PRPF3: variants seen among roughly 807,000 people sequenced by gnomAD.
The protein encoded by PRPF3 is U4/U6 small nuclear ribonucleoprotein Prp3.
In PRPF3, 3 loss-of-function variants were observed where a neutral mutation model predicts 89.2. The observed-to-expected ratio is 0.03, with a 90% confidence interval of 0.02 to 0.09. The LOEUF is 0.09. PRPF3 is among the 10% of genes least tolerant of loss of function. PRPF3 has a pLI of 1.00. For synonymous variants in PRPF3, 270 were observed against 289.1 expected (o/e 0.93, Z 0.67); for missense variants, 463 against 828.8 (o/e 0.56, Z 5.42).
chr1:150,338,495 GTTA>G (rs1158972731), intron 8 of PRPF3, among the ~76,000 whole-genome samples, 169 bp downstream of exon 8: 1 of 35,760 alleles, frequency 2.8e-5, no homozygotes, highest in Non-Finnish European at 5.8e-5. Context: ...ACAAGGTCCT[GTTA>G]TTTTTTTTTT....
chr1:150,323,173 CTTTTTTT>C lies in PRPF3; in HGVS notation c.-49+1599_-49+1605del, dbSNP rs71083901. On this transcript the variant is annotated intron_variant, in intron 1 of 15. Coordinates refer to ENST00000324862, the MANE Select transcript of PRPF3 (RefSeq NM_004698.4). ...TACAGGCGTGAGCCACCGCACCTGG[CTTTTTTT>C]TTTTTTTTTTTTTTTTTGGAGACAC... 1.6e-3 allele frequency among the ~76,000 whole-genome samples: 79 copies of C among 48,290 alleles called. 1 individual carries two copies. Among genetic ancestry groups the C allele is most frequent in the Admixed American group, 3.5e-3 (9 of 2,554 alleles). The allele number at this position is 48,290 out of a possible 152,430, so 31.7% of individuals were successfully genotyped here. A position where few individuals can be genotyped will look rare whatever the true frequency, so the allele number is the denominator to read the frequency against.
intron 4 of PRPF3, 25 bp from the exon 5 acceptor site, chr1:150,332,659 T>G (rs1205637204): frequency 6.2e-7 from 1 of 1,611,892 alleles, no homozygotes; most frequent in African/African-American, 1.3e-5. Flanking sequence ...ATTAACAGTT[T>G]TTCAATTTTT....
intron 2 of PRPF3, 63 bp from the exon 3 acceptor site, chr1:150,325,688 G>A (rs1183231883): frequency 6.3e-7 from 1 of 1,583,034 alleles, no homozygotes; most frequent in Non-Finnish European, 8.6e-7. Flanking sequence ...ACCTGTTATA[G>A]GCCTAGTATT....
intron 1 of PRPF3, among the ~76,000 whole-genome samples, chr1:150,323,840 G>T (rs797039721): frequency 6.8e-6 from 1 of 146,726 alleles, no homozygotes; most frequent in African/African-American, 2.5e-5. Context: ...GCAGTGGCGC[G>T]ATCTTGGCTC....
Position 150,338,240 on chromosome 1 carries a change from C to G in PRPF3, c.1116C>G (p.Leu372=), listed in dbSNP as rs1553868794. The G allele has an allele frequency of 3.1e-6, 5 of 1,613,898 alleles. No individual in the cohort carries two copies. In the Admixed American group the frequency reaches 5.0e-5, roughly 16 times the overall value. The change falls in exon 8 of 16, where the codon CTC becomes CTG. Residue 372 remains leucine (L), a synonymous_variant. Transcript: ENST00000324862. ...TCCATACTTCGACTAGGCTTGCCCT[C>G]ATTGCTCCTAAGAAGGAGCTAAAGG... ...TGIHTSTRLA[L]IAPKKELKEG...
Position 150,334,922 on chromosome 1 carries a change from G to A in PRPF3, c.729-13G>A, listed in dbSNP as rs781963249. The A allele has an allele frequency of 1.2e-6, 2 of 1,613,590 alleles. No homozygotes were observed. The highest frequency in any genetic ancestry group is 1.3e-5 in the African/African-American group (1 of 74,814). The stretch of plus-strand genomic sequence containing the variant: ...TCCATACAGGATTTATTTCTTTGCG[G>A]GCTATTTTTCAGGAAGGTGGAGTTA... On this transcript the variant is annotated splice_polypyrimidine_tract_variant and intron_variant, in intron 6 of 15. Transcript: ENST00000324862.
At position 150,325,712 on chromosome 1, in the gene PRPF3, T is replaced by C. The variant is rs781937865; in HGVS notation, c.146-39T>C. On this transcript the variant is annotated intron_variant, in intron 2 of 15. Coordinates refer to ENST00000324862, the MANE Select transcript of PRPF3 (RefSeq NM_004698.4). ...AGGCCTAGTATTAGACTGTGTACTCTTACCTTTCCAACCCTACCACCGCCT... is the reference window on the plus strand; with the variant it reads ...AGGCCTAGTATTAGACTGTGTACTCCTACCTTTCCAACCCTACCACCGCCT... 1.9e-6 allele frequency: 3 copies of C among 1,604,632 alleles called. No individual in the cohort carries two copies. In the South Asian group the frequency reaches 3.3e-5, roughly 18 times the overall value.
intron 8 of PRPF3, 149 bp downstream of exon 8, chr1:150,338,475 G>T: frequency 1.3e-5 from 9 of 669,968 alleles, no homozygotes; most frequent in East Asian, 3.2e-5. Flanking sequence ...AGAGAGATAA[G>T]TAACTGTACA....
At chr1:150,323,840 G>A (rs797039721) in intron 1 of PRPF3, among the ~76,000 whole-genome samples, 6 of 146,724 alleles carry the variant, frequency 4.1e-5, no homozygotes, top group South Asian at 2.2e-4. Context: ...GCAGTGGCGC[G>A]ATCTTGGCTC....
chr1:150,322,315 A>G (rs1655137778), intron 1 of PRPF3, among the ~76,000 whole-genome samples: 1 of 152,192 alleles, frequency 6.6e-6, no homozygotes, highest in Admixed American at 6.6e-5. Flanking sequence ...TAGTTACTCA[A>G]TAAATATTTA....
At chr1:150,352,482 G>A (rs1203887266) in intron 15 of PRPF3, among the ~76,000 whole-genome samples, 2 of 152,140 alleles carry the variant, frequency 1.3e-5, no homozygotes, top group Admixed American at 6.6e-5. Flanking sequence ...TGGCTAACAC[G>A]GTGAAACCCC....
At chr1:150,323,173 CTTTTTTTTTTTTT>C (rs71083901) in intron 1 of PRPF3, among the ~76,000 whole-genome samples, 1 of 48,270 alleles carries the variant, frequency 2.1e-5, no homozygotes, top group East Asian at 7.7e-4. Flanking sequence ...CCGCACCTGG[CTTTTTTTTTTTTT>C]TTTTTTTTTT....
At chr1:150,349,090 G>C in intron 14 of PRPF3, 67 bp from the exon 15 acceptor site, 22 of 1,263,828 alleles carry the variant, frequency 1.7e-5, no homozygotes, top group Non-Finnish European at 2.6e-5. Flanking sequence ...AGTTTGGGTA[G>C]ACTTGAATAT....
intron 6 of PRPF3, among the ~76,000 whole-genome samples, chr1:150,334,639 A>G (rs1656780928): frequency 6.6e-6 from 1 of 151,994 alleles, no homozygotes; most frequent in South Asian, 2.1e-4. Context: ...TAACTCTTAT[A>G]GAGAAGGCAC....
chr1:150,344,239 G>A lies in PRPF3; in HGVS notation c.1504G>A (p.Ala502Thr). 6.2e-7 allele frequency: 1 copy of A among 1,614,242 alleles called. No individual in the cohort carries two copies. Among genetic ancestry groups the A allele is most frequent in the Non-Finnish European group, 8.5e-7 (1 of 1,180,044 alleles). Reference protein sequence around the residue: ...DPTKVEAHVRAQMAKRQKAHE... With the variant: ...DPTKVEAHVRTQMAKRQKAHE... ...CACGAAGGTAGAAGCCCACGTCAGA[G>A]CTCAGATGGCAAAAAGACAGAAGTA... Residue 502 changes from alanine (A) to threonine (T), a missense_variant, in exon 11 of 16, where the codon GCT becomes ACT. Physicochemically the swap from Ala to Thr is moderately conservative, Grantham distance 58 (BLOSUM62 0). Coordinates refer to ENST00000324862, the MANE Select transcript of PRPF3 (RefSeq NM_004698.4).
rs1048292476 is a variant in PRPF3 at position 150,344,482 on chromosome 1, A to G, written c.1575A>G (p.Arg525=). 3 of 1,614,190 alleles carry G rather than the reference A, an allele frequency of 1.9e-6. No homozygotes were observed. Among genetic ancestry groups the G allele is most frequent in the Non-Finnish European group, 2.5e-6 (3 of 1,180,036 alleles). ...NAARKLTAEQ[R]KVKKIKKLKE... ...CCCGAAAACTCACAGCAGAACAGAG[A>G]AAGGTCAAGAAAATTAAAAAGCTTA... Residue 525 remains arginine (R), a synonymous_variant, in exon 12 of 16, where the codon AGA becomes AGG. Transcript: ENST00000324862.
chr1:150,323,305 T>TA (rs1277832945), intron 1 of PRPF3, among the ~76,000 whole-genome samples: 8 of 148,690 alleles, frequency 5.4e-5, no homozygotes, highest in African/African-American at 2.0e-4. Flanking sequence ...GCCTCATAAG[T>TA]AGCTGGGATT....
chr1:150,323,252 C>G (rs1332537307), intron 1 of PRPF3, among the ~76,000 whole-genome samples: 1 of 129,746 alleles, frequency 7.7e-6, no homozygotes, highest in African/African-American at 2.9e-5. Flanking sequence ...TTTTGGCTCA[C>G]CGCAACCTCC....
rs191704589 is a variant in PRPF3 at position 150,326,546 on chromosome 1, A to C, written c.276+665A>C. Among the ~76,000 whole-genome samples, 366 of 151,962 alleles carry C rather than the reference A, an allele frequency of 2.4e-3. 1 individual carries two copies. Among genetic ancestry groups the C allele is most frequent in the Non-Finnish European group, 2.8e-3 (190 of 67,962 alleles). On this transcript the variant is annotated intron_variant, in intron 3 of 15. Coordinates refer to ENST00000324862, the MANE Select transcript of PRPF3 (RefSeq NM_004698.4). ...TACTCATTTCCCAGTATCTCTCTTT[A>C]GGAGAAAAAAAAAAGTTCTGTGACT...
Sources: gnomAD v4.1 joint callset for allele counts (sites outside exome capture counted in the v4.1 genomes callset) on GRCh38, gnomAD v4.1.1 for gene constraint, MANE v1.5 for transcripts, NCBI Gene and HGNC (gene_info 2026-07-23, HGNC 2026-07-21) for gene names.